Variants in PRSS8 observed in about 807,000 individuals in gnomAD.
The protein encoded by PRSS8 is serine protease 8.
PRSS8 carries 11 observed loss-of-function variants against 26.7 expected under a neutral mutation model. The observed-to-expected ratio is 0.41, with a 90% CI of 0.26 to 0.68. The LOEUF is 0.68. PRSS8 is among the 30% of genes least tolerant of loss of function. The probability of loss-of-function intolerance (pLI) is 0.30; values close to 1 mark genes in which losing one functional copy is unlikely to be tolerated. For synonymous variants in PRSS8, 183 were observed against 187.0 expected, an observed-to-expected ratio of 0.98 and a Z score of 0.17; for missense variants, 362 against 443.5, an observed-to-expected ratio of 0.82 and a Z score of 1.65.
Position 31,132,029 on chromosome 16 carries a change from G to A in PRSS8, c.1012C>T (p.Pro338Ser), listed in dbSNP as rs772468674. The A allele has an allele frequency of 1.1e-5, 17 of 1,584,594 alleles. No homozygotes were observed. In the Admixed American group the frequency reaches 2.5e-4, roughly 24 times the overall value. ...PLGLALGLLS[P>S]WLSEH ...CCAGCTCAGTGCTCGCTGAGCCATG[G>A]GGAGAGGAGGCCCAGAGCCAGGCCC... The change falls in exon 6 of 6, where the codon CCA (proline) becomes TCA (serine). Residue 338 changes from proline to serine, a missense_variant. Pro to Ser is a moderately conservative substitution (Grantham distance 74). Coordinates refer to ENST00000317508, the MANE Select transcript of PRSS8 (RefSeq NM_002773.5). The surrounding 1 kb of genome is among the most constrained non-coding windows in gnomAD (Gnocchi z 5.2).
intron 2 of PRSS8, 193 bp downstream of exon 2, chr16:31,134,961 A>G (rs1281408158): frequency 6.2e-6 from 4 of 644,932 alleles, no homozygotes; most frequent in African/African-American, 5.5e-5. Context: ...CTGCACCTTC[A>G]CTGGCAGTGT....
Position 31,132,736 on chromosome 16 carries a change from A to C in PRSS8, c.484T>G (p.Phe162Val). Residue 162 changes from phenylalanine (F) to valine (V), a missense_variant, in exon 4 of 6, where the codon TTC becomes GTC. Physicochemically the swap from Phe to Val is conservative, Grantham distance 50 (BLOSUM62 -1). Transcript: ENST00000317508. The surrounding 1 kb of genome is among the most constrained non-coding windows in gnomAD (Gnocchi z 5.2). ...PICLPAANASFPNGLHCTVTG... is the reference protein window; with the variant it reads ...PICLPAANASVPNGLHCTVTG... Reference sequence around the variant, plus strand: ...ACAGTGCAGTGGAGGCCGTTGGGGAAGGAGGCGTTGGCTGCAGGGAGGCAG... The same window carrying C: ...ACAGTGCAGTGGAGGCCGTTGGGGACGGAGGCGTTGGCTGCAGGGAGGCAG... 6.2e-7 allele frequency: 1 copy of C among 1,613,984 alleles called. No individual in the cohort carries two copies. Among genetic ancestry groups the C allele is most frequent in the Non-Finnish European group, 8.5e-7 (1 of 1,179,882 alleles).
In PRSS8 at chr16:31,132,027, T is replaced by C. The variant is rs2057582717; in HGVS notation, c.1014A>G (p.Pro338=). 1 of 1,583,116 alleles carries C rather than the reference T, an allele frequency of 6.3e-7. No homozygotes were observed. Among genetic ancestry groups the C allele is most frequent in the Admixed American group, 1.8e-5 (1 of 54,884 alleles). Residue 338 remains proline, a synonymous_variant, in exon 6 of 6, where the codon CCA becomes CCG. Transcript: ENST00000317508. The surrounding 1 kb of genome is among the most constrained non-coding windows in gnomAD (Gnocchi z 5.2). ...PLGLALGLLS[P]WLSEH ...GGCCAGCTCAGTGCTCGCTGAGCCATGGGGAGAGGAGGCCCAGAGCCAGGC... is the reference window on the plus strand; with the variant it reads ...GGCCAGCTCAGTGCTCGCTGAGCCACGGGGAGAGGAGGCCCAGAGCCAGGC...
rs2057590634 is a variant in PRSS8 at position 31,133,270 on chromosome 16, G to A, written c.222C>T (p.Leu74=). The A allele has an allele frequency of 5.0e-6, 8 of 1,613,854 alleles. No individual in the cohort carries two copies. The highest frequency in any genetic ancestry group is 1.7e-5 in the Admixed American group (1 of 59,994). ...CTGACAGCACCCACTGCTCAGACAC[G>A]AGAGAGCCACCACACACATGGACGC... is the stretch of plus-strand genomic sequence containing the variant. ...YEGVHVCGGS[L]VSEQWVLSAA... Residue 74 remains leucine, a synonymous_variant, in exon 3 of 6, where the codon CTC becomes CTT. Transcript: ENST00000317508. The surrounding 1 kb of genome is among the most constrained non-coding windows in gnomAD (Gnocchi z 4.7).
At position 31,133,411 on chromosome 16, in the gene PRSS8, G is replaced by A; in HGVS notation, c.104-23C>T. ...GAGCTGCCCAGGGAGGAAGGGAAGGGGTCAGGTTGTTAGCCTGGCCACTCC... is the reference window on the plus strand; with the variant it reads ...GAGCTGCCCAGGGAGGAAGGGAAGGAGTCAGGTTGTTAGCCTGGCCACTCC... On this transcript the variant is annotated intron_variant, in intron 2 of 5. Coordinates refer to ENST00000317508, the MANE Select transcript of PRSS8 (RefSeq NM_002773.5). The surrounding 1 kb of genome is among the most constrained non-coding windows in gnomAD (Gnocchi z 4.7). The A allele has an allele frequency of 6.2e-7, 1 of 1,612,346 alleles. No individual in the cohort carries two copies.
In PRSS8 at chr16:31,133,268, AC is replaced by A; in HGVS notation, c.223del (p.Val75CysfsTer31). On this transcript the variant is annotated frameshift_variant, in exon 3 of 6. Transcript: ENST00000317508. LOFTEE classifies it high-confidence loss of function. The surrounding 1 kb of genome is among the most constrained non-coding windows in gnomAD (Gnocchi z 4.7). ...AGCTGACAGCACCCACTGCTCAGAC[AC>A]GAGAGAGCCACCACACACATGGACG... ...EGVHVCGGSL[V>X]SEQWVLSAAH... 1 of 1,613,970 alleles carries A rather than the reference AC, an allele frequency of 6.2e-7. No individual in the cohort carries two copies. Among genetic ancestry groups the A allele is most frequent in the African/African-American group, 1.3e-5 (1 of 75,024 alleles).
chr16:31,132,397 A>G lies in PRSS8; in HGVS notation c.705+32T>C. 1.2e-6 allele frequency: 2 copies of G among 1,613,834 alleles called. No homozygotes were observed. The highest frequency in any genetic ancestry group is 2.2e-5 in the South Asian group (2 of 91,086). Reference sequence around the variant, plus strand: ...GGCCAGGCCTCCTTTCCGAAGTTGCACTGGTCATCTGCCCCCCGGGCCTGT... The same window carrying G: ...GGCCAGGCCTCCTTTCCGAAGTTGCGCTGGTCATCTGCCCCCCGGGCCTGT... On this transcript the variant is annotated intron_variant, in intron 5 of 5. Coordinates refer to ENST00000317508, the MANE Select transcript of PRSS8 (RefSeq NM_002773.5). This position sits in a 1 kb window ranked among gnomAD's most constrained non-coding sequence, Gnocchi z 5.2.
Position 31,132,139 on chromosome 16 carries a change from G to A in PRSS8, c.902C>T (p.Pro301Leu), listed in dbSNP as rs761927790. The part of the protein sequence containing the change: ...RVVPQTQESQ[P>L]DSNLCGSHLA... Reference sequence around the variant, plus strand: ...GTGGCTGCCACAGAGGTTGCTGTCGGGCTGGGACTCCTGGGTTTGGGGCAC... The same window carrying A: ...GTGGCTGCCACAGAGGTTGCTGTCGAGCTGGGACTCCTGGGTTTGGGGCAC... Residue 301 changes from proline (P) to leucine (L), a missense_variant, in exon 6 of 6, where the codon CCC becomes CTC. Physicochemically the swap from Pro to Leu is moderately conservative, Grantham distance 98 (BLOSUM62 -3). Coordinates refer to ENST00000317508, the MANE Select transcript of PRSS8 (RefSeq NM_002773.5). This position sits in a 1 kb window ranked among gnomAD's most constrained non-coding sequence, Gnocchi z 5.2. The A allele has an allele frequency of 1.1e-5, 17 of 1,613,612 alleles. No homozygotes were observed. Among genetic ancestry groups the A allele is most frequent in the Non-Finnish European group, 1.4e-5 (17 of 1,179,790 alleles).
chr16:31,133,263 C>G lies in PRSS8; in HGVS notation c.229G>C (p.Glu77Gln), dbSNP rs968648659. 1 of 1,613,858 alleles carries G rather than the reference C, an allele frequency of 6.2e-7. No individual in the cohort carries two copies. The highest frequency in any genetic ancestry group is 1.3e-5 in the African/African-American group (1 of 74,904). The part of the protein sequence containing the change: ...VHVCGGSLVS[E>Q]QWVLSAAHCF... ...TGAGCAGCTGACAGCACCCACTGCT[C>G]AGACACGAGAGAGCCACCACACACA... The change falls in exon 3 of 6, where the codon GAG (glutamate) becomes CAG (glutamine). Residue 77 changes from glutamate to glutamine, a missense_variant. Glu to Gln is a conservative substitution (Grantham distance 29). Coordinates refer to ENST00000317508, the MANE Select transcript of PRSS8 (RefSeq NM_002773.5). The surrounding 1 kb of genome is among the most constrained non-coding windows in gnomAD (Gnocchi z 4.7).
At position 31,132,131 on chromosome 16, in the gene PRSS8, T is replaced by C; in HGVS notation, c.910A>G (p.Asn304Asp). Residue 304 changes from asparagine to aspartate, a missense_variant, in exon 6 of 6, where the codon AAC (asparagine) becomes GAC (aspartate). Coordinates refer to ENST00000317508, the MANE Select transcript of PRSS8 (RefSeq NM_002773.5). This position sits in a 1 kb window ranked among gnomAD's most constrained non-coding sequence, Gnocchi z 5.2. ...AAGGCCAGGTGGCTGCCACAGAGGT[T>C]GCTGTCGGGCTGGGACTCCTGGGTT... ...PQTQESQPDS[N>D]LCGSHLAFSS... is the part of the protein sequence containing the mutation. The C allele has an allele frequency of 6.2e-7, 1 of 1,613,590 alleles. No individual in the cohort carries two copies. The highest frequency in any genetic ancestry group is 8.5e-7 in the Non-Finnish European group (1 of 1,179,730).
At position 31,132,398 on chromosome 16, in the gene PRSS8, C is replaced by G. The variant is rs1254729335; in HGVS notation, c.705+31G>C. 1 of 1,613,888 alleles carries G rather than the reference C, an allele frequency of 6.2e-7. No homozygotes were observed. Among genetic ancestry groups the G allele is most frequent in the Admixed American group, 1.7e-5 (1 of 60,030 alleles). On this transcript the variant is annotated intron_variant, in intron 5 of 5. Transcript: ENST00000317508. This position sits in a 1 kb window ranked among gnomAD's most constrained non-coding sequence, Gnocchi z 5.2. ...GCCAGGCCTCCTTTCCGAAGTTGCA[C>G]TGGTCATCTGCCCCCCGGGCCTGTG... is the stretch of plus-strand genomic sequence containing the variant.
intron 2 of PRSS8, chr16:31,134,315 C>T (rs905781495): frequency 2.6e-5 from 4 of 152,448 alleles, no homozygotes; most frequent in Admixed American, 6.5e-5. Flanking sequence ...CTGTGCCAGG[C>T]CCTGGAGGGG....
intron 2 of PRSS8, chr16:31,134,676 CAAACAA>C (rs1009472527): frequency 1.6e-4 from 27 of 170,326 alleles, no homozygotes; most frequent in African/African-American, 3.1e-4. Flanking sequence ...ACATCTCTAC[CAAACAA>C]AAACAAAAAC....
At chr16:31,134,957 C>T in intron 2 of PRSS8, 197 bp downstream of exon 2, 1 of 641,258 alleles carries the variant, frequency 1.6e-6, no homozygotes, top group South Asian at 2.0e-5. Context: ...CCAGCTGCAC[C>T]TTCACTGGCA....
rs2057589714 is a variant in PRSS8, at chr16:31,133,069, T to G, written c.267-116A>C. 6.3e-7 allele frequency: 1 copy of G among 1,578,752 alleles called. No homozygotes were observed. On this transcript the variant is annotated intron_variant, in intron 3 of 5. Coordinates refer to ENST00000317508, the MANE Select transcript of PRSS8 (RefSeq NM_002773.5). The surrounding 1 kb of genome is among the most constrained non-coding windows in gnomAD (Gnocchi z 4.7). ...TAGGTCTCAAATTGCACCTTAGTTT[T>G]ATCATGTAACCTCTGACCCCTCACC...
At chr16:31,134,673 T>A in intron 2 of PRSS8, 1 of 170,496 alleles carries the variant, frequency 5.9e-6, no homozygotes, top group Non-Finnish European at 1.3e-5. Context: ...CCCACATCTC[T>A]ACCAAACAAA....
chr16:31,132,042 C>T lies in PRSS8; in HGVS notation c.999G>A (p.Leu333=), dbSNP rs1440801615. 2 of 1,591,838 alleles carry T rather than the reference C, an allele frequency of 1.3e-6. No homozygotes were observed. The highest frequency in any genetic ancestry group is 1.7e-6 in the Non-Finnish European group (2 of 1,169,072). The stretch of plus-strand genomic sequence containing the variant: ...CGCTGAGCCATGGGGAGAGGAGGCC[C>T]AGAGCCAGGCCCAGAGGCAGGAAAA... The part of the protein sequence containing the change: ...PILFLPLGLA[L]GLLSPWLSEH Residue 333 remains leucine (L), a synonymous_variant, in exon 6 of 6, where the codon CTG becomes CTA. Transcript: ENST00000317508. This position sits in a 1 kb window ranked among gnomAD's most constrained non-coding sequence, Gnocchi z 5.2.
At position 31,135,538 on chromosome 16, in the gene PRSS8, C is replaced by A. The variant is rs762023831; in HGVS notation, c.-40G>T. The A allele has an allele frequency of 3.8e-5, 56 of 1,481,044 alleles. No homozygotes were observed. Among genetic ancestry groups the A allele is most frequent in the Non-Finnish European group, 4.7e-5 (52 of 1,109,354 alleles). 91.7% of individuals were successfully genotyped at this position (1,481,044 alleles called of 1,614,324 possible). A position where few individuals can be genotyped will look rare whatever the true frequency, so the allele number is the denominator to read the frequency against. Reference sequence around the variant, plus strand: ...GCCCCTGGGGCAGACTCCAGGCACGCAAGGTAGGAAGCCTTGGGGTGGTGT... The same window carrying A: ...GCCCCTGGGGCAGACTCCAGGCACGAAAGGTAGGAAGCCTTGGGGTGGTGT... On this transcript the variant is annotated 5_prime_UTR_variant, in exon 1 of 6. Transcript: ENST00000317508.
intron 2 of PRSS8, chr16:31,134,867 C>T (rs999592458): frequency 1.3e-5 from 6 of 461,138 alleles, no homozygotes; most frequent in Non-Finnish European, 2.0e-5. Context: ...CAGACCCAGA[C>T]CCTGTTTCAA....
Sources: gnomAD v4.1 joint callset for allele counts on GRCh38, gnomAD v4.1.1 for gene constraint, Gnocchi (gnomAD v3.1) non-coding constraint, MANE v1.5 for transcripts, NCBI Gene and HGNC (gene_info 2026-07-23, HGNC 2026-07-21) for gene names.